Variants in C12orf42 observed in about 807,000 individuals in gnomAD.
C12orf42 encodes the protein chromosome 12 open reading frame 42.
In C12orf42, 25 loss-of-function variants were observed where a neutral mutation model predicts 21.6. That is an observed-to-expected ratio of 1.16 (90% confidence interval 0.84 to 1.62). C12orf42 has a LOEUF of 1.62. C12orf42 is among the 40% of genes most tolerant of loss of function. C12orf42 has a pLI of 0.00. For missense variants in C12orf42, 483 were observed against 459.3 expected (o/e 1.05, Z -0.47); for synonymous variants, 174 against 175.0 (o/e 0.99, Z 0.05).
Position 103,368,317 on chromosome 12 carries a change from TCACACA to T in C12orf42, c.259+564_259+569del, listed in dbSNP as rs3065785. ...TTCTCTCTCTTTCTGTCTCTCTCTC[TCACACA>T]CACACACACACACACACACACACAT... On this transcript the variant is annotated intron_variant, in intron 4 of 5. Coordinates refer to ENST00000548883, the MANE Select transcript of C12orf42 (RefSeq NM_198521.5). 5.5e-5 allele frequency among the ~76,000 whole-genome samples: 8 copies of T among 146,616 alleles called. No homozygotes were observed. The East Asian group carries it at 1.4e-3, about 25-fold the overall frequency.
chr12:103,436,238 G>A (rs1950698425), intron 2 of C12orf42, among the ~76,000 whole-genome samples: 1 of 149,840 alleles, frequency 6.7e-6, no homozygotes, highest in Admixed American at 6.6e-5. Context: ...CCCTAAAAGA[G>A]CTCCTGAAGG....
the C12orf42 span, among the ~76,000 whole-genome samples, chr12:103,130,754 C>G: frequency 2.0e-5 from 3 of 152,190 alleles, no homozygotes. Flanking sequence ...CATCACCTCA[C>G]AGTGATGGGT....
chr12:103,343,709 G>A (rs543756929), intron 4 of C12orf42, among the ~76,000 whole-genome samples: 2 of 151,104 alleles, frequency 1.3e-5, no homozygotes, highest in Admixed American at 1.3e-4. Context: ...GGGAGGCAGA[G>A]GTTGCAGTGA....
the C12orf42 span, among the ~76,000 whole-genome samples, chr12:103,202,443 C>A: frequency 1.3e-5 from 2 of 152,166 alleles, no homozygotes; most frequent in Non-Finnish European, 2.9e-5. Flanking sequence ...TGAGATCATA[C>A]ACCCTGAAAA....
intron 10 of C12orf42, among the ~76,000 whole-genome samples, chr12:103,240,376 T>A (rs1313867597): frequency 6.6e-6 from 1 of 152,194 alleles, no homozygotes; most frequent in Non-Finnish European, 1.5e-5. Context: ...GTCATCACCC[T>A]TAGTAAATGA....
At chr12:103,453,665 A>T (rs987611565) in intron 2 of C12orf42, among the ~76,000 whole-genome samples, 4 of 152,076 alleles carry the variant, frequency 2.6e-5, no homozygotes, top group Non-Finnish European at 4.4e-5. Context: ...TCATGGCTTT[A>T]TTCGCTGTTT....
chr12:103,258,609 C>T (rs557076396), intron 10 of C12orf42, among the ~76,000 whole-genome samples: 3 of 151,782 alleles, frequency 2.0e-5, no homozygotes, highest in South Asian at 2.1e-4. Context: ...AGAGACTATA[C>T]AAACCATTAG....
At chr12:103,395,464 T>A (rs1472005574) in intron 3 of C12orf42, among the ~76,000 whole-genome samples, 1 of 151,640 alleles carries the variant, frequency 6.6e-6, no homozygotes, top group Non-Finnish European at 1.5e-5. Context: ...GCCTCCTGAG[T>A]AGCTGGGACT....
chr12:103,061,030 G>A, the C12orf42 span, among the ~76,000 whole-genome samples: 1 of 152,146 alleles, frequency 6.6e-6, no homozygotes, highest in African/African-American at 2.4e-5. Context: ...CTTTACTGAT[G>A]GGTGGAATAG....
chr12:103,213,631 G>A, the C12orf42 span, among the ~76,000 whole-genome samples: 5 of 152,300 alleles, frequency 3.3e-5, no homozygotes, highest in Middle Eastern at 0.01. Flanking sequence ...TCGTGCAGTT[G>A]TACCATCTTT....
intron 4 of C12orf42, among the ~76,000 whole-genome samples, chr12:103,311,009 G>C (rs2038921516): frequency 6.6e-6 from 1 of 152,152 alleles, no homozygotes; most frequent in South Asian, 2.1e-4. Context: ...CATTCCAGGA[G>C]TTATGGGTTG....
chr12:103,541,764 CT>C, the C12orf42 span, among the ~76,000 whole-genome samples: 93 of 149,124 alleles, frequency 6.2e-4, no homozygotes, highest in African/African-American at 1.8e-3. Flanking sequence ...TTGATTTAAT[CT>C]TTTTTTTTTC....
chr12:103,289,182 T>G (rs1415643886), intron 4 of C12orf42, among the ~76,000 whole-genome samples: 1 of 152,120 alleles, frequency 6.6e-6, no homozygotes, highest in African/African-American at 2.4e-5. Flanking sequence ...GTCCTCTAAT[T>G]TGTCAGATAA....
At chr12:103,437,776 CA>C (rs1274804523) in intron 2 of C12orf42, among the ~76,000 whole-genome samples, 4 of 139,684 alleles carry the variant, frequency 2.9e-5, no homozygotes, top group African/African-American at 7.9e-5. Flanking sequence ...GCCTACCAAC[CA>C]AAAAAAAAGT....
chr12:103,199,570 G>C, the C12orf42 span, among the ~76,000 whole-genome samples: 1 of 152,036 alleles, frequency 6.6e-6, no homozygotes, highest in Non-Finnish European at 1.5e-5. Flanking sequence ...ATTTGATAAA[G>C]GGTTAATACC....
chr12:103,506,494 T>G, the C12orf42 span, among the ~76,000 whole-genome samples: 1 of 152,070 alleles, frequency 6.6e-6, no homozygotes, highest in African/African-American at 2.4e-5. Flanking sequence ...CTGTACGTTT[T>G]CTTTGTTTAG....
chr12:103,195,330 G>T, the C12orf42 span, among the ~76,000 whole-genome samples: 23 of 152,224 alleles, frequency 1.5e-4, no homozygotes, highest in Non-Finnish European at 3.4e-4. Flanking sequence ...TTGCTGGGTT[G>T]AATGATGGTT....
chr12:103,339,563 T>A (rs2041997175), intron 4 of C12orf42, among the ~76,000 whole-genome samples: 3 of 152,200 alleles, frequency 2.0e-5, no homozygotes, highest in Admixed American at 1.3e-4. Flanking sequence ...AAATAAGATA[T>A]ACATATGGCC....
the C12orf42 span, among the ~76,000 whole-genome samples, chr12:103,536,704 C>A: frequency 2.6e-4 from 39 of 152,114 alleles, no homozygotes; most frequent in Non-Finnish European, 4.6e-4. Context: ...GACAGAAGGA[C>A]CAATCTCATT....
Sources: allele counts gnomAD v4.1 joint callset (sites outside exome capture counted in the v4.1 genomes callset), GRCh38; gene constraint gnomAD v4.1.1; transcripts MANE v1.5; gene names NCBI Gene and HGNC (gene_info 2026-07-23, HGNC 2026-07-21).